The following NCOA6 variants were observed in gnomAD, a reference collection of about 807,000 sequenced individuals.
NCOA6 encodes the protein NRC RAP250.
NCOA6 carries 49 observed loss-of-function variants against 171.4 expected under a neutral mutation model. The observed-to-expected ratio is 0.29, with a 90% CI of 0.23 to 0.36. The LOEUF is 0.36. Among genes scored for constraint, NCOA6 ranks in the 10% least tolerant of loss-of-function variants. The probability of loss-of-function intolerance (pLI) is 1.00; values close to 1 mark genes in which losing one functional copy is unlikely to be tolerated. For synonymous variants in NCOA6, 910 were observed against 927.5 expected (o/e 0.98, Z 0.34); for missense variants, 2,248 against 2,554.5 (o/e 0.88, Z 2.59).
intron 6 of NCOA6, 148 bp downstream of exon 6, chr20:34,758,657 A>T: frequency 9.7e-7 from 1 of 1,033,664 alleles, no homozygotes; most frequent in Non-Finnish European, 1.4e-6. Flanking sequence ...AATGACATTT[A>T]GTTTGAAGAA....
At chr20:34,773,967 A>G (rs1176840446) in intron 4 of NCOA6, among the ~76,000 whole-genome samples, 1 of 151,790 alleles carries the variant, frequency 6.6e-6, no homozygotes, top group Non-Finnish European at 1.5e-5. Flanking sequence ...AAGTTAAAGA[A>G]CTCTTTCTGT....
At chr20:34,792,137 T>G (rs979625984) in intron 2 of NCOA6, among the ~76,000 whole-genome samples, 2 of 152,182 alleles carry the variant, frequency 1.3e-5, no homozygotes, top group Admixed American at 1.3e-4. Flanking sequence ...AAGGTATTTA[T>G]TTGAAGTACA....
intron 2 of NCOA6, among the ~76,000 whole-genome samples, chr20:34,792,153 C>T (rs1449558899): frequency 6.6e-6 from 1 of 151,940 alleles, no homozygotes; most frequent in Non-Finnish European, 1.5e-5. Flanking sequence ...GTACAATATC[C>T]TATTATCATT....
intron 1 of NCOA6, among the ~76,000 whole-genome samples, chr20:34,810,829 C>G (rs1036882941): frequency 2.0e-5 from 3 of 152,126 alleles, no homozygotes; most frequent in African/African-American, 7.2e-5. Flanking sequence ...CAGGTGTGAG[C>G]CACCGTGCCC....
intron 3 of NCOA6, among the ~76,000 whole-genome samples, chr20:34,781,650 A>T (rs1213565277): frequency 6.6e-6 from 1 of 152,246 alleles, no homozygotes; most frequent in Non-Finnish European, 1.5e-5. Context: ...ACGTGGGCCA[A>T]ATAACAAATG....
Position 34,741,452 on chromosome 20 carries a change from T to C in NCOA6, c.4804A>G (p.Thr1602Ala), listed in dbSNP as rs148432377. Residue 1602 changes from threonine (T) to alanine (A), a missense_variant, in exon 11 of 15, where the codon ACT (threonine) becomes GCT (alanine). Physicochemically the swap from Thr to Ala is moderately conservative, Grantham distance 58. Coordinates refer to ENST00000359003, the MANE Select transcript of NCOA6 (RefSeq NM_014071.5). ...LPPNQITVFV[T>A]SNPITTSANT... ...GCTGAAGTTGTGATGGGATTGGAAG[T>C]GACAAATACAGTTATTTGATTTGGG... 13 of 1,614,002 alleles carry C rather than the reference T, an allele frequency of 8.1e-6. No individual in the cohort carries two copies. The highest frequency in any genetic ancestry group is 8.0e-5 in the African/African-American group (6 of 74,898).
At chr20:34,790,523 T>G (rs1004215836) in intron 2 of NCOA6, among the ~76,000 whole-genome samples, 1 of 151,844 alleles carries the variant, frequency 6.6e-6, no homozygotes, top group Non-Finnish European at 1.5e-5. Flanking sequence ...CCCAGCTAAT[T>G]TTTTTGCATT....
At chr20:34,777,107 A>C (rs2077349671) in intron 3 of NCOA6, among the ~76,000 whole-genome samples, 2 of 130,212 alleles carry the variant, frequency 1.5e-5, no homozygotes, top group South Asian at 4.9e-4. Flanking sequence ...ACAAAGTGAG[A>C]CTCCGTCTCA....
chr20:34,774,230 G>T (rs1052344531), intron 4 of NCOA6, among the ~76,000 whole-genome samples: 1 of 152,164 alleles, frequency 6.6e-6, no homozygotes, highest in African/African-American at 2.4e-5. Context: ...GGGTTTTAAA[G>T]AAACCACTTA....
At chr20:34,814,052 T>C (rs1337002929) in intron 1 of NCOA6, among the ~76,000 whole-genome samples, 1 of 152,166 alleles carries the variant, frequency 6.6e-6, no homozygotes, top group Non-Finnish European at 1.5e-5. Context: ...AAAATAGGGC[T>C]GGGCATGGTG....
At chr20:34,728,522 G>T (rs76414310) in intron 13 of NCOA6, among the ~76,000 whole-genome samples, 89 of 152,278 alleles carry the variant, frequency 5.8e-4, no homozygotes, top group African/African-American at 2.0e-3. Context: ...ACAGGCCAGG[G>T]ATGCCACTAA....
intron 9 of NCOA6, among the ~76,000 whole-genome samples, chr20:34,747,485 C>A (rs988622081): frequency 2.6e-4 from 40 of 151,972 alleles, no homozygotes. Context: ...CTTTGAGATG[C>A]CTTTGCTTTT....
intron 7 of NCOA6, among the ~76,000 whole-genome samples, chr20:34,756,426 G>T (rs2076643880): frequency 6.6e-6 from 1 of 152,118 alleles, no homozygotes; most frequent in African/African-American, 2.4e-5. Flanking sequence ...GGTGTCTTTT[G>T]GTGGGGAGTA....
rs1236999460 is a variant in NCOA6, at chr20:34,757,899, T to C, written c.849A>G (p.Gln283=). Residue 283 remains glutamine (Q), a synonymous_variant, in exon 7 of 15, where the codon CAA becomes CAG. Coordinates refer to ENST00000359003, the MANE Select transcript of NCOA6 (RefSeq NM_014071.5). ...GTGGGGGTCTTGCCTGCAACTGTTG[T>C]TGCTGCTGTTGCTGTTGTTGCTGCT... The part of the protein sequence containing the change: ...QQQQQQQQQQ[Q]QQLQARPPQQ... 4.3e-6 allele frequency: 7 copies of C among 1,613,804 alleles called. No homozygotes were observed. In the Admixed American group the frequency reaches 5.0e-5, roughly 12 times the overall value.
At chr20:34,723,784 T>A (rs1989650642) in intron 14 of NCOA6, among the ~76,000 whole-genome samples, 1 of 152,228 alleles carries the variant, frequency 6.6e-6, no homozygotes, top group African/African-American at 2.4e-5. Flanking sequence ...AGTTTGAGCA[T>A]CTCTTCTTAA....
intron 1 of NCOA6, among the ~76,000 whole-genome samples, chr20:34,799,486 G>A (rs1350332967): frequency 6.6e-6 from 1 of 152,062 alleles, no homozygotes; most frequent in Non-Finnish European, 1.5e-5. Flanking sequence ...GTATAAGAAA[G>A]TTATAGAACA....
At chr20:34,726,613 T>C (rs931395179) in intron 14 of NCOA6, among the ~76,000 whole-genome samples, 5 of 152,018 alleles carry the variant, frequency 3.3e-5, no homozygotes, top group African/African-American at 1.2e-4. Flanking sequence ...GATGAATCCC[T>C]GTCTCTACTA....
chr20:34,740,554 G>C lies in NCOA6; in HGVS notation c.5702C>G (p.Ala1901Gly). Residue 1901 changes from alanine to glycine, a missense_variant, in exon 11 of 15, where the codon GCA becomes GGA. This residue lies in a region of NCOA6 where 884 missense variants were observed against 941.9 expected (regional missense o/e 0.94). Transcript: ENST00000359003. ...AGCACCGCCAGGTAAGCTGGGTCCT[G>C]CTGAGGCAGTGCCCGGGCCCACAGG... is the stretch of plus-strand genomic sequence containing the variant. ...SSPVGPGTAS[A>G]GPSLPGGALP... 1 of 1,614,158 alleles carries C rather than the reference G, an allele frequency of 6.2e-7. No individual in the cohort carries two copies. The highest frequency in any genetic ancestry group is 8.5e-7 in the Non-Finnish European group (1 of 1,180,030).
intron 1 of NCOA6, chr20:34,820,192 G>T: frequency 6.6e-6 from 1 of 152,008 alleles, no homozygotes; most frequent in Non-Finnish European, 1.5e-5. Flanking sequence ...GACTAGCCTG[G>T]GCAACATGGC....
Sources: allele counts gnomAD v4.1 joint callset (sites outside exome capture counted in the v4.1 genomes callset), GRCh38; gene constraint gnomAD v4.1.1; regional missense constraint gnomAD v4.1.1; transcripts MANE v1.5; gene names NCBI Gene and HGNC (gene_info 2026-07-23, HGNC 2026-07-21).